The following AKR1C3 variants were observed in gnomAD, a reference collection of about 807,000 sequenced individuals.
AKR1C3 encodes the protein aldo-keto reductase family 1 member C3, also known as 3-alpha hydroxysteroid dehydrogenase, type II.
Under a neutral mutation model 43.6 loss-of-function variants are expected in AKR1C3, and 48 were observed. That is an observed-to-expected ratio of 1.10 (90% CI 0.87 to 1.40). The LOEUF (loss-of-function observed/expected upper bound fraction) is 1.40. Among genes scored for constraint, AKR1C3 ranks in the 40% most tolerant of loss-of-function variants. The probability of loss-of-function intolerance (pLI) is 0.00; values close to 1 mark genes in which losing one functional copy is unlikely to be tolerated. For synonymous variants in AKR1C3, 162 were observed against 139.6 expected (o/e 1.16, Z -1.13); for missense variants, 482 against 391.2 (o/e 1.23, Z -1.96).
At chr10:5,086,265 G>A (rs1474397588) in intron 1 of AKR1C3, among the ~76,000 whole-genome samples, 2 of 151,432 alleles carry the variant, frequency 1.3e-5, no homozygotes. Context: ...CAGAGATTCT[G>A]GTATGTTGTG....
intron 1 of AKR1C3, among the ~76,000 whole-genome samples, chr10:5,067,893 G>T (rs1366848482): frequency 1.3e-5 from 2 of 152,166 alleles, no homozygotes; most frequent in Non-Finnish European, 2.9e-5. Flanking sequence ...TTCTCCATGA[G>T]TCTAAACTTG....
intron 1 of AKR1C3, chr10:5,077,814 G>A (rs1490050486): frequency 1.2e-5 from 7 of 567,430 alleles, no homozygotes; most frequent in South Asian, 4.2e-5. Flanking sequence ...AAATCTGACC[G>A]ATTTTCAATG....
chr10:5,048,940 C>T, intron 1 of AKR1C3: 2 of 1,521,554 alleles, frequency 1.3e-6, no homozygotes, highest in African/African-American at 2.7e-5. Context: ...AGAGCAAAGC[C>T]AGAATAAGTG....
intron 1 of AKR1C3, among the ~76,000 whole-genome samples, chr10:5,075,017 A>G (rs1838683472): frequency 6.6e-6 from 1 of 152,160 alleles, no homozygotes; most frequent in South Asian, 2.1e-4. Context: ...AGAAAGGCAT[A>G]GACCTGTCTC....
intron 5 of AKR1C3, among the ~76,000 whole-genome samples, chr10:5,100,775 T>G (rs1839329466): frequency 6.6e-6 from 1 of 152,180 alleles, no homozygotes; most frequent in South Asian, 2.1e-4. Context: ...CTTCAATTTT[T>G]TATTATGATA....
intron 4 of AKR1C3, 79 bp downstream of exon 4, chr10:5,098,958 G>A (rs1839282459): frequency 8.6e-7 from 1 of 1,168,434 alleles, no homozygotes; most frequent in South Asian, 1.4e-5. Flanking sequence ...AGGAAAGAAT[G>A]GAATATGCAC....
At chr10:5,093,616 TATAAAATGGTTA>T (rs2131833807), upstream of AKR1C3, 1 of 152,256 alleles carries the variant, frequency 6.6e-6, no homozygotes, top group South Asian at 2.1e-4. Context: ...TGACAGATTA[TATAAAATGGTTA>T]TCAGTTTTTT....
intron 7 of AKR1C3, among the ~76,000 whole-genome samples, chr10:5,105,034 C>T (rs1388606968): frequency 6.9e-6 from 1 of 145,040 alleles, no homozygotes; most frequent in African/African-American, 2.5e-5. Context: ...TAGTGGCATC[C>T]TCTTGATATT....
At chr10:5,101,287 A>AAAC (rs779513667) in intron 5 of AKR1C3, among the ~76,000 whole-genome samples, 214 of 152,222 alleles carry the variant, frequency 1.4e-3, no homozygotes, top group Non-Finnish European at 1.5e-3. Flanking sequence ...ATGATTGTGT[A>AAAC]AACATCACTA....
intron 1 of AKR1C3, among the ~76,000 whole-genome samples, chr10:5,084,311 C>A (rs542915204): frequency 1.5e-3 from 229 of 151,656 alleles, no homozygotes; most frequent in Non-Finnish European, 2.6e-3. Context: ...CCAGTTTTCC[C>A]AGCACCATTT....
chr10:5,097,877 A>G, intron 3 of AKR1C3: 2 of 1,123,990 alleles, frequency 1.8e-6, no homozygotes, highest in Non-Finnish European at 2.2e-6. Flanking sequence ...AGTTTCATGC[A>G]GTTGTGGTGC....
rs782595917 is a variant in AKR1C3, at chr10:5,099,310, A to G, written c.448-17A>G. 2 of 1,614,068 alleles carry G rather than the reference A, an allele frequency of 1.2e-6. No individual in the cohort carries two copies. Among genetic ancestry groups the G allele is most frequent in the Non-Finnish European group, 1.7e-6 (2 of 1,180,000 alleles). ...GCCAACTGCACAAATAATTCCTCAC[A>G]ACCCCTTTCTCCACAGGCCATGGAG... On this transcript the variant is annotated splice_polypyrimidine_tract_variant and intron_variant, in intron 4 of 8. Coordinates refer to ENST00000380554, the MANE Select transcript of AKR1C3 (RefSeq NM_003739.6).
intron 1 of AKR1C3, among the ~76,000 whole-genome samples, chr10:5,055,691 A>G (rs1838246455): frequency 6.6e-6 from 1 of 150,956 alleles, no homozygotes; most frequent in South Asian, 2.1e-4. Flanking sequence ...TATAAAGAGA[A>G]GTTTTGTCCT....
At chr10:5,094,289 G>A, upstream of AKR1C3, 1 of 630,660 alleles carries the variant, frequency 1.6e-6, no homozygotes, top group Non-Finnish European at 2.6e-6. Context: ...TTTCTCCACA[G>A]ACCATATAAG....
intron 1 of AKR1C3, among the ~76,000 whole-genome samples, chr10:5,081,387 C>T (rs1341759886): frequency 4.6e-5 from 7 of 152,166 alleles, no homozygotes; most frequent in African/African-American, 1.7e-4. Context: ...GCCGCAGTGG[C>T]CATTGACTTA....
chr10:5,105,933 T>G lies in AKR1C3; in HGVS notation c.929+256T>G, dbSNP rs2339. On this transcript the variant is annotated intron_variant, in intron 8 of 8. Transcript: ENST00000380554. ...CAGAGCAGCCAACATCATTGCCAAG[T>G]CTGCACGTTCCATATAGGCCTGGTG... Among the ~76,000 whole-genome samples the G allele has an allele frequency of 8.6e-3, 1,309 of 152,328 alleles. 13 individuals are homozygous for G. The highest frequency in any genetic ancestry group is 0.03 in the African/African-American group (1,241 of 41,578).
At chr10:5,090,110 T>C (rs368408161), upstream of AKR1C3, among the ~76,000 whole-genome samples, 6 of 152,166 alleles carry the variant, frequency 3.9e-5, no homozygotes, top group Non-Finnish European at 8.8e-5. Flanking sequence ...ATACTCGATC[T>C]TTGTTTACTG....
rs146422873 is a variant in AKR1C3, at chr10:5,089,224, C to T, written c.85-7186C>T. Among the ~76,000 whole-genome samples, 1,087 of 152,060 alleles carry T rather than the reference C, an allele frequency of 7.1e-3. 12 individuals are homozygous for T. The highest frequency in any genetic ancestry group is 0.025 in the African/African-American group (1,032 of 41,492). On this transcript the variant is annotated intron_variant, in intron 1 of 8. Transcript: ENST00000439082. The stretch of plus-strand genomic sequence containing the variant: ...GTGGTCTGGTGACTGTATGCCTTGT[C>T]GATGTACATTTAGCATAGTATCTTT...
At chr10:5,081,957 G>C (rs1340935957) in intron 1 of AKR1C3, 1 of 152,170 alleles carries the variant, frequency 6.6e-6, no homozygotes, top group Non-Finnish European at 1.5e-5. Flanking sequence ...GAGAGAAGTA[G>C]AAGCTACATG....
Sources: allele counts gnomAD v4.1 joint callset (sites outside exome capture counted in the v4.1 genomes callset), GRCh38; gene constraint gnomAD v4.1.1; transcripts MANE v1.5; gene names NCBI Gene and HGNC (gene_info 2026-07-23, HGNC 2026-07-21).